KCNH8: variants seen among roughly 807,000 people sequenced by gnomAD.
KCNH8 encodes potassium voltage-gated channel subfamily H member 8, also known as voltage-gated delayed rectifier potassium channel KCNH8.
KCNH8 carries 70 observed loss-of-function variants against 103.6 expected under a neutral mutation model. The observed-to-expected ratio is 0.68, with a 90% CI of 0.56 to 0.82. The LOEUF (loss-of-function observed/expected upper bound fraction) is 0.82. KCNH8 is among the 40% of genes least tolerant of loss of function. The probability of loss-of-function intolerance (pLI) is 0.00; values close to 1 mark genes in which losing one functional copy is unlikely to be tolerated. For synonymous variants in KCNH8, 498 were observed against 489.4 expected (o/e 1.02, Z -0.23); for missense variants, 1,217 against 1,329.9 (o/e 0.92, Z 1.32).
intron 5 of KCNH8, among the ~76,000 whole-genome samples, chr3:19,355,994 T>C (rs931140908): frequency 1.3e-5 from 2 of 151,828 alleles, no homozygotes; most frequent in African/African-American, 2.4e-5. Flanking sequence ...TGGCATCTTA[T>C]AATCAATTAG....
At chr3:19,533,342 G>GTCA in intron 15 of KCNH8, 53 bp from the exon 16 acceptor site, 1 of 1,077,414 alleles carries the variant, frequency 9.3e-7, no homozygotes, top group South Asian at 1.3e-5. Context: ...CTGAAATGTG[G>GTCA]TCACTACTAT....
chr3:19,255,231 A>G (rs930078989), intron 2 of KCNH8, among the ~76,000 whole-genome samples: 1 of 152,204 alleles, frequency 6.6e-6, no homozygotes, highest in Non-Finnish European at 1.5e-5. Flanking sequence ...GATCTTAGAC[A>G]TCTAACTTCC....
At chr3:19,333,117 T>C (rs2065534051) in intron 3 of KCNH8, among the ~76,000 whole-genome samples, 1 of 152,212 alleles carries the variant, frequency 6.6e-6, no homozygotes, top group Non-Finnish European at 1.5e-5. Flanking sequence ...GGTTAGTGTT[T>C]TTAAACATCT....
At chr3:19,472,369 C>T (rs1253421186) in intron 11 of KCNH8, among the ~76,000 whole-genome samples, 1 of 152,102 alleles carries the variant, frequency 6.6e-6, no homozygotes, top group Non-Finnish European at 1.5e-5. Context: ...TCTTGTAGTT[C>T]TCATAATTCC....
intron 1 of KCNH8, 76 bp downstream of exon 1, chr3:19,148,871 A>G (rs538819987): frequency 7.7e-7 from 1 of 1,291,302 alleles, no homozygotes; most frequent in South Asian, 1.2e-5. Context: ...TTTTGCTCCC[A>G]CCTTCCCTTT....
chr3:19,189,731 A>C (rs1245829132), intron 1 of KCNH8, among the ~76,000 whole-genome samples: 1 of 151,994 alleles, frequency 6.6e-6, no homozygotes, highest in Non-Finnish European at 1.5e-5. Flanking sequence ...TTAATTACAA[A>C]ATTATGACTG....
At position 19,450,946 on chromosome 3, in the gene KCNH8, G is replaced by A. The variant is rs1360812393; in HGVS notation, c.1576-209G>A. ...TTTTTTAATTTGTTCTGTTTCTCCA[G>A]ACTTCTTATCAGCTGATTATTCAGT... On this transcript the variant is annotated intron_variant, in intron 9 of 15. Coordinates refer to ENST00000328405, the MANE Select transcript of KCNH8 (RefSeq NM_144633.3). 4.6e-5 allele frequency: 26 copies of A among 565,132 alleles called. No individual in the cohort carries two copies. In the Admixed American group the frequency reaches 8.4e-4, roughly 18 times the overall value. The allele number at this position is 565,132 out of a possible 1,614,324, so 35.0% of individuals were successfully genotyped here.
At chr3:19,461,740 A>G (rs939402515) in intron 11 of KCNH8, among the ~76,000 whole-genome samples, 31 of 152,170 alleles carry the variant, frequency 2.0e-4, no homozygotes, top group African/African-American at 7.2e-4. Flanking sequence ...ATAGGTATAC[A>G]TGTGCCATGT....
intron 15 of KCNH8, among the ~76,000 whole-genome samples, chr3:19,531,749 G>C (rs1424608395): frequency 6.6e-6 from 1 of 152,162 alleles, no homozygotes; most frequent in African/African-American, 2.4e-5. Context: ...GGATGAATTA[G>C]GAATATGTAC....
At chr3:19,370,325 A>G (rs2066071159) in intron 5 of KCNH8, among the ~76,000 whole-genome samples, 1 of 152,082 alleles carries the variant, frequency 6.6e-6, no homozygotes, top group Non-Finnish European at 1.5e-5. Flanking sequence ...AAACATGTAC[A>G]TATCAGGTGC....
At chr3:19,153,021 T>C (rs1248268196) in intron 1 of KCNH8, among the ~76,000 whole-genome samples, 2 of 152,088 alleles carry the variant, frequency 1.3e-5, no homozygotes, top group Non-Finnish European at 2.9e-5. Context: ...TGGTTTTTTC[T>C]TTTTATCTTT....
At chr3:19,383,186 AG>A (rs2066310489) in intron 5 of KCNH8, among the ~76,000 whole-genome samples, 1 of 152,242 alleles carries the variant, frequency 6.6e-6, no homozygotes, top group Non-Finnish European at 1.5e-5. Flanking sequence ...ACAAATGCTA[AG>A]AATATTATTT....
At chr3:19,364,821 A>T (rs1012460060) in intron 5 of KCNH8, among the ~76,000 whole-genome samples, 1 of 152,264 alleles carries the variant, frequency 6.6e-6, no homozygotes, top group Middle Eastern at 3.4e-3. Flanking sequence ...TTACAAATCA[A>T]CTGTCAGTTC....
intron 5 of KCNH8, among the ~76,000 whole-genome samples, chr3:19,356,507 CATTA>C (rs2065883653): frequency 2.0e-5 from 3 of 151,974 alleles, no homozygotes. Flanking sequence ...TTGTAAGCCA[CATTA>C]ATTATTTGGG....
At chr3:19,286,858 G>C (rs555972717) in intron 3 of KCNH8, among the ~76,000 whole-genome samples, 1 of 152,096 alleles carries the variant, frequency 6.6e-6, no homozygotes, top group Admixed American at 6.6e-5. Context: ...TGTGGAACCC[G>C]CAGATACAGA....
intron 11 of KCNH8, among the ~76,000 whole-genome samples, chr3:19,486,936 G>C (rs1411582896): frequency 6.6e-6 from 1 of 152,170 alleles, no homozygotes; most frequent in Non-Finnish European, 1.5e-5. Flanking sequence ...CTGCAGATCT[G>C]AGCTTTCTTC....
intron 3 of KCNH8, among the ~76,000 whole-genome samples, chr3:19,304,488 A>G (rs1200180598): frequency 6.6e-6 from 1 of 152,108 alleles, no homozygotes; most frequent in Non-Finnish European, 1.5e-5. Context: ...TAAATACGAT[A>G]TTCATGAAAT....
At chr3:19,226,276 T>C (rs958026935) in intron 1 of KCNH8, among the ~76,000 whole-genome samples, 2 of 152,252 alleles carry the variant, frequency 1.3e-5, no homozygotes, top group Non-Finnish European at 2.9e-5. Flanking sequence ...ACATATTTGG[T>C]ATAATTATAT....
chr3:19,175,389 C>T (rs1007946523), intron 1 of KCNH8, among the ~76,000 whole-genome samples: 13 of 151,774 alleles, frequency 8.6e-5, no homozygotes, highest in South Asian at 2.1e-4. Context: ...GCCCGGCTAA[C>T]TTTTTGTATT....
Sources: allele counts gnomAD v4.1 joint callset (sites outside exome capture counted in the v4.1 genomes callset), GRCh38; gene constraint gnomAD v4.1.1; transcripts MANE v1.5; gene names NCBI Gene and HGNC (gene_info 2026-07-23, HGNC 2026-07-21).